Variants in IKZF3 observed in about 807,000 individuals in gnomAD.
IKZF3 encodes zinc finger protein Aiolos.
IKZF3 carries 10 observed loss-of-function variants against 49.0 expected under a neutral mutation model. The observed-to-expected ratio is 0.20, with a 90% CI of 0.13 to 0.35. The LOEUF (loss-of-function observed/expected upper bound fraction) is 0.35. Among genes scored for constraint, IKZF3 ranks in the 10% least tolerant of loss-of-function variants. IKZF3 has a pLI of 1.00. For missense variants in IKZF3, 498 were observed against 664.8 expected, an observed-to-expected ratio of 0.75 and a Z score of 2.76; for synonymous variants, 209 against 228.2, an observed-to-expected ratio of 0.92 and a Z score of 0.76.
At chr17:39,766,896 C>T (rs1028789832) in intron 7 of IKZF3, among the ~76,000 whole-genome samples, 1 of 152,058 alleles carries the variant, frequency 6.6e-6, no homozygotes, top group Non-Finnish European at 1.5e-5. Context: ...AAGACACAGT[C>T]GGCTCCCAAC....
chr17:39,862,360 ATTCCATGAAGTATTCTACT>A (rs750972595), intron 1 of IKZF3, among the ~76,000 whole-genome samples: 3 of 152,182 alleles, frequency 2.0e-5, no homozygotes, highest in African/African-American at 7.2e-5. Flanking sequence ...AAATAAAGGT[ATTCCATGAAGTATTCTACT>A]TTCTTACATT....
At chr17:39,809,974 C>A (rs1380605458) in intron 3 of IKZF3, among the ~76,000 whole-genome samples, 1 of 152,224 alleles carries the variant, frequency 6.6e-6, no homozygotes, top group Non-Finnish European at 1.5e-5. Flanking sequence ...TAAGACTTTA[C>A]ATGCTTTGGT....
At chr17:39,820,410 G>A (rs1384746010) in intron 3 of IKZF3, among the ~76,000 whole-genome samples, 3 of 152,202 alleles carry the variant, frequency 2.0e-5, no homozygotes, top group African/African-American at 2.4e-5. Flanking sequence ...AAGCCTGGAA[G>A]TAAGTACTCT....
At chr17:39,843,115 C>T (rs764425389) in intron 1 of IKZF3, among the ~76,000 whole-genome samples, 13 of 152,194 alleles carry the variant, frequency 8.5e-5, no homozygotes, top group East Asian at 5.8e-4. Context: ...GACATGACAA[C>T]GAAAAGCAAT....
intron 3 of IKZF3, among the ~76,000 whole-genome samples, chr17:39,798,505 G>A (rs9899345): frequency 0.091 from 13,561 of 149,336 alleles, 1,259 homozygotes; most frequent in African/African-American, 0.24. Context: ...CACATCCTAC[G>A]TATTTTTTTT....
At chr17:39,846,466 T>C (rs2062634085) in intron 1 of IKZF3, among the ~76,000 whole-genome samples, 1 of 151,556 alleles carries the variant, frequency 6.6e-6, no homozygotes, top group Non-Finnish European at 1.5e-5. Context: ...TCTCACCGGT[T>C]AGTTTTTTTA....
chr17:39,829,690 G>A (rs1475235305), intron 2 of IKZF3, among the ~76,000 whole-genome samples: 7 of 151,590 alleles, frequency 4.6e-5, no homozygotes, highest in South Asian at 2.1e-4. Flanking sequence ...AGTGGCTCAC[G>A]CCTGTAATCC....
intron 3 of IKZF3, among the ~76,000 whole-genome samples, chr17:39,818,765 C>T (rs897523384): frequency 5.9e-5 from 9 of 152,002 alleles, no homozygotes; most frequent in African/African-American, 1.2e-4. Context: ...GGCTGAGGCA[C>T]GAGAATCACT....
chr17:39,862,812 T>C (rs1044162224), intron 1 of IKZF3, among the ~76,000 whole-genome samples: 2 of 152,172 alleles, frequency 1.3e-5, no homozygotes, highest in Non-Finnish European at 2.9e-5. Context: ...ATTAAACATC[T>C]GTGTTAGTAC....
chr17:39,799,456 C>G (rs2061262373), intron 3 of IKZF3, among the ~76,000 whole-genome samples: 1 of 152,076 alleles, frequency 6.6e-6, no homozygotes, highest in Non-Finnish European at 1.5e-5. Flanking sequence ...CAGAACTTGC[C>G]CCAGGACTAC....
chr17:39,832,779 T>C (rs1014454519), intron 1 of IKZF3, among the ~76,000 whole-genome samples: 1 of 152,070 alleles, frequency 6.6e-6, no homozygotes, highest in Non-Finnish European at 1.5e-5. Context: ...TATAGTTACA[T>C]AGAAGGCATA....
chr17:39,779,364 G>A (rs1422561601), intron 6 of IKZF3, among the ~76,000 whole-genome samples: 2 of 152,148 alleles, frequency 1.3e-5, no homozygotes, highest in African/African-American at 4.8e-5. Context: ...GGGAGGCTGA[G>A]GCCGGAGAAT....
rs188208335 is a variant in IKZF3 at position 39,829,007 on chromosome 17, A to T, written c.163+380T>A. On this transcript the variant is annotated intron_variant, in intron 3 of 7. Transcript: ENST00000346872. ...CAAAGTGAAACTCCGTCTCAAAAAA[A>T]AATAATAATAATAATTGAATTGAAT... 3.2e-3 allele frequency among the ~76,000 whole-genome samples: 489 copies of T among 152,252 alleles called. 1 individual carries two copies. Among genetic ancestry groups the T allele is most frequent in the African/African-American group, 8.7e-3 (360 of 41,528 alleles).
At chr17:39,859,171 A>G (rs900036065) in intron 1 of IKZF3, among the ~76,000 whole-genome samples, 2 of 151,992 alleles carry the variant, frequency 1.3e-5, no homozygotes, top group African/African-American at 2.4e-5. Context: ...TGCAAAAACC[A>G]GATTTCAATT....
chr17:39,829,268 G>T (rs1305295813), intron 3 of IKZF3, 119 bp downstream of exon 3: 2 of 646,818 alleles, frequency 3.1e-6, no homozygotes, highest in African/African-American at 1.8e-5. Context: ...TAACAAAACA[G>T]AATCACTCCT....
Position 39,819,818 on chromosome 17 carries a change from C to T in IKZF3, c.163+9569G>A, listed in dbSNP as rs115791869. Among the ~76,000 whole-genome samples the T allele has an allele frequency of 6.4e-3, 971 of 152,100 alleles. 9 individuals carry two copies. Among genetic ancestry groups the T allele is most frequent in the African/African-American group, 0.022 (898 of 41,482 alleles). ...CCAAGTAGCTGGGACTACAGGCACA[C>T]ACAAAGCTAATTAAAAAAAAATTTT... On this transcript the variant is annotated intron_variant, in intron 3 of 7. Coordinates refer to ENST00000346872, the MANE Select transcript of IKZF3 (RefSeq NM_012481.5).
At chr17:39,846,495 T>TG (rs1224813840) in intron 1 of IKZF3, among the ~76,000 whole-genome samples, 7 of 151,148 alleles carry the variant, frequency 4.6e-5, no homozygotes, top group Non-Finnish European at 8.9e-5. Flanking sequence ...AGGTTTTTTT[T>TG]TTTTTTTTTT....
intron 1 of IKZF3, among the ~76,000 whole-genome samples, chr17:39,838,248 T>A (rs924961660): frequency 6.6e-6 from 1 of 152,190 alleles, no homozygotes; most frequent in Non-Finnish European, 1.5e-5. Flanking sequence ...ATTATATGTG[T>A]GTTAGATCTT....
chr17:39,841,077 T>C (rs2062451402), intron 1 of IKZF3, among the ~76,000 whole-genome samples: 1 of 151,820 alleles, frequency 6.6e-6, no homozygotes, highest in Admixed American at 6.6e-5. Flanking sequence ...CTCGGGAGGC[T>C]GAGGTGGGAG....
Sources: allele counts gnomAD v4.1 joint callset (sites outside exome capture counted in the v4.1 genomes callset), GRCh38; gene constraint gnomAD v4.1.1; transcripts MANE v1.5; gene names NCBI Gene and HGNC (gene_info 2026-07-23, HGNC 2026-07-21).